MANSC4: variants seen among roughly 807,000 people sequenced by gnomAD.
MANSC4 encodes the protein MANSC domain containing 4.
In MANSC4, 11 loss-of-function variants were observed where a neutral mutation model predicts 11.4. The ratio of observed to expected loss-of-function variants is 0.97; its 90% CI spans 0.61 to 1.60. MANSC4 has a LOEUF of 1.60. Ranked by LOEUF, MANSC4 falls within the 40% of genes most tolerant of loss-of-function variation. MANSC4 has a pLI of 0.00. For synonymous variants in MANSC4, 123 were observed against 147.1 expected (o/e 0.84, Z 1.19); for missense variants, 354 against 404.6 (o/e 0.88, Z 1.07).
At chr12:27,777,899 G>A (rs1454169378) in intron 1 of MANSC4, among the ~76,000 whole-genome samples, 1 of 151,850 alleles carries the variant, frequency 6.6e-6, no homozygotes, top group Non-Finnish European at 1.5e-5. Context: ...CTTGGGCAAG[G>A]TAGCAAGACC....
At chr12:27,778,244 A>G (rs1280511172) in intron 1 of MANSC4, among the ~76,000 whole-genome samples, 4 of 148,284 alleles carry the variant, frequency 2.7e-5, no homozygotes, top group Admixed American at 2.7e-4. Context: ...AAAAAAATGC[A>G]TTTTTTTTTC....
chr12:27,776,413 A>G (rs2062120049), intron 1 of MANSC4, among the ~76,000 whole-genome samples: 1 of 152,052 alleles, frequency 6.6e-6, no homozygotes, highest in East Asian at 1.9e-4. Context: ...CAAAAGGGAT[A>G]TTTTCCATAA....
intron 1 of MANSC4, among the ~76,000 whole-genome samples, chr12:27,776,715 C>A (rs2062121108): frequency 6.6e-6 from 1 of 151,990 alleles, no homozygotes; most frequent in Non-Finnish European, 1.5e-5. Flanking sequence ...AATAGTGCCA[C>A]CACACTCCAG....
At chr12:27,766,250 TAGAGACAGGGTTTCACCA>T (rs2062071863) in intron 3 of MANSC4, among the ~76,000 whole-genome samples, 1 of 152,116 alleles carries the variant, frequency 6.6e-6, no homozygotes, top group African/African-American at 2.4e-5. Flanking sequence ...GTATTTTTGG[TAGAGACAGGGTTTCACCA>T]TGTTGGCCAG....
intron 1 of MANSC4, among the ~76,000 whole-genome samples, chr12:27,773,372 G>T (rs2062107818): frequency 6.6e-6 from 1 of 152,218 alleles, no homozygotes; most frequent in Non-Finnish European, 1.5e-5. Context: ...GTAGAAACTG[G>T]AATGCAGAGG....
In MANSC4 at chr12:27,762,723, T is replaced by G; in HGVS notation, c.*15A>C. ...ATGATATCCTTGAAAGCATATAATC[T>G]TGCTACAGTTTTTACTATGAAGAGT... On this transcript the variant is annotated 3_prime_UTR_variant, in exon 4 of 4. Coordinates refer to ENST00000381273, the MANE Select transcript of MANSC4 (RefSeq NM_001146221.5). 1 of 1,493,510 alleles carries G rather than the reference T, an allele frequency of 6.7e-7. No individual in the cohort carries two copies. The highest frequency in any genetic ancestry group is 1.4e-5 in the African/African-American group (1 of 70,556). The allele number at this position is 1,493,510 out of a possible 1,614,324, so 92.5% of individuals were successfully genotyped here.
chr12:27,768,714 C>T (rs2062086192), intron 2 of MANSC4, among the ~76,000 whole-genome samples: 1 of 151,274 alleles, frequency 6.6e-6, no homozygotes, highest in East Asian at 2.0e-4. Context: ...GCAACTTCCG[C>T]CTCCTGGGTT....
At chr12:27,770,656 T>C (rs1487710827) in intron 2 of MANSC4, among the ~76,000 whole-genome samples, 1 of 152,050 alleles carries the variant, frequency 6.6e-6, no homozygotes, top group Non-Finnish European at 1.5e-5. Flanking sequence ...CCGGGCAACA[T>C]AGTGAGACCC....
intron 1 of MANSC4, among the ~76,000 whole-genome samples, chr12:27,777,961 C>T (rs80167478): frequency 0.029 from 4,385 of 151,814 alleles, 189 homozygotes; most frequent in African/African-American, 0.1. Context: ...CATGGAGGCT[C>T]ATGCCTGTAA....
chr12:27,773,330 C>T (rs1252428974), intron 1 of MANSC4, among the ~76,000 whole-genome samples: 5 of 152,118 alleles, frequency 3.3e-5, no homozygotes, highest in Non-Finnish European at 7.3e-5. Flanking sequence ...AAATGGATAA[C>T]TTCTTGGGGC....
At chr12:27,771,751 T>C (rs1046623537) in intron 1 of MANSC4, among the ~76,000 whole-genome samples, 169 bp from the exon 2 acceptor site, 23 of 152,238 alleles carry the variant, frequency 1.5e-4, no homozygotes, top group African/African-American at 5.5e-4. Context: ...GCACTTCTGT[T>C]TGATTTTTAA....
chr12:27,766,675 G>A lies in MANSC4; in HGVS notation c.354C>T (p.Asn118=), dbSNP rs2062073573. Residue 118 remains asparagine (N), a synonymous_variant, in exon 3 of 4, where the codon AAC becomes AAT. Coordinates refer to ENST00000381273, the MANE Select transcript of MANSC4 (RefSeq NM_001146221.5). ...ATATGTAATCATTACCGTCTGTTAT[G>A]TTGTACAAAATGGCACTGGTTCCAG... ...LEPGTSAILY[N]ITDGIDPDLL... is the part of the protein sequence containing the mutation. 6.4e-7 allele frequency: 1 copy of A among 1,551,118 alleles called. No individual in the cohort carries two copies. Among genetic ancestry groups the A allele is most frequent in the Non-Finnish European group, 8.7e-7 (1 of 1,146,892 alleles).
Position 27,771,290 on chromosome 12 carries a change from A to G in MANSC4, c.-14T>C, listed in dbSNP as rs2062099958. 5 of 1,545,824 alleles carry G rather than the reference A, an allele frequency of 3.2e-6. No homozygotes were observed. In the Admixed American group the frequency reaches 9.8e-5, roughly 30 times the overall value. On this transcript the variant is annotated 5_prime_UTR_variant, in exon 2 of 4. Transcript: ENST00000381273. ...TGCCACATGCATTTTTCCTGTATGA[A>G]GGAAGACTCGAAGATAAGTCTGATT...
intron 1 of MANSC4, chr12:27,779,785 G>A (rs1257483763): frequency 6.6e-6 from 1 of 152,148 alleles, no homozygotes; most frequent in African/African-American, 2.4e-5. Context: ...TTCTCCCTGG[G>A]GTACCCCGGA....
At chr12:27,773,712 C>T (rs1462046768) in intron 1 of MANSC4, among the ~76,000 whole-genome samples, 6 of 152,048 alleles carry the variant, frequency 3.9e-5, no homozygotes, top group South Asian at 2.1e-4. Context: ...GATAGATGAG[C>T]GAAATAAATG....
At position 27,766,659 on chromosome 12, in the gene MANSC4, C is replaced by A. The variant is rs753762094; in HGVS notation, c.364+6G>T. ...CTTTTAAAGTCTTGAAATATGTAATCATTACCGTCTGTTATGTTGTACAAA... is the reference window on the plus strand; with the variant it reads ...CTTTTAAAGTCTTGAAATATGTAATAATTACCGTCTGTTATGTTGTACAAA... On this transcript the variant is annotated splice_donor_region_variant and intron_variant, in intron 3 of 3. Transcript: ENST00000381273. 5 of 1,549,632 alleles carry A rather than the reference C, an allele frequency of 3.2e-6. No homozygotes were observed. Among genetic ancestry groups the A allele is most frequent in the African/African-American group, 2.7e-5 (2 of 72,964 alleles).
Position 27,768,423 on chromosome 12 carries a change from GA to G in MANSC4, c.230-1625del, listed in dbSNP as rs761869082. Among the ~76,000 whole-genome samples the G allele has an allele frequency of 4.6e-3, 382 of 82,262 alleles. 1 individual carries two copies. The highest frequency in any genetic ancestry group is 0.011 in the Middle Eastern group (2 of 182). 54.0% of individuals were successfully genotyped at this position (82,262 alleles called of 152,430 possible). On this transcript the variant is annotated intron_variant, in intron 2 of 3. Transcript: ENST00000381273. ...GTCTCAAAAAAAAAAAAAAAAAAAA[GA>G]AAAAGAAAAAGAAAAAGAAAAAGAA...
rs1326555626 is a variant in MANSC4, at chr12:27,771,088, A to G, written c.189T>C (p.Thr63=). ...AQFLKYYSES[T]GQKCSRSCCL... is the part of the protein sequence containing the mutation. ...AGCAGCTCCTACTGCACTTCTGGCC[A>G]GTGCTTTCAGAATAATACTTCAAGA... is the stretch of plus-strand genomic sequence containing the variant. Residue 63 remains threonine, a synonymous_variant, in exon 2 of 4, where the codon ACT becomes ACC. Transcript: ENST00000381273. 7.7e-6 allele frequency: 12 copies of G among 1,551,672 alleles called. No individual in the cohort carries two copies. The South Asian group carries it at 1.3e-4, about 17-fold the overall frequency.
At chr12:27,763,837 C>T (rs2062059506) in intron 3 of MANSC4, among the ~76,000 whole-genome samples, 1 of 151,770 alleles carries the variant, frequency 6.6e-6, no homozygotes, top group Non-Finnish European at 1.5e-5. Flanking sequence ...TTCAAACAAT[C>T]CTCTCACCTC....
Sources: gnomAD v4.1 joint callset for allele counts (sites outside exome capture counted in the v4.1 genomes callset) on GRCh38, gnomAD v4.1.1 for gene constraint, MANE v1.5 for transcripts, NCBI Gene and HGNC (gene_info 2026-07-23, HGNC 2026-07-21) for gene names.